The following ITPRID1 variants were observed in gnomAD, a reference collection of about 807,000 sequenced individuals.
ITPRID1 encodes the protein protein ITPRID1.
Under a neutral mutation model 95.4 loss-of-function variants are expected in ITPRID1, and 96 were observed. The ratio of observed to expected loss-of-function variants is 1.01; its 90% confidence interval spans 0.85 to 1.19. The LOEUF is 1.19. ITPRID1 is among the 50% of genes most tolerant of loss of function. ITPRID1 has a pLI of 0.00. For missense variants in ITPRID1, 1,339 were observed against 1,252.9 expected, an observed-to-expected ratio of 1.07 and a Z score of -1.04; for synonymous variants, 510 against 453.6, an observed-to-expected ratio of 1.12 and a Z score of -1.58.
At chr7:31,567,499 G>A (rs900493704) in intron 5 of ITPRID1, among the ~76,000 whole-genome samples, 3 of 152,012 alleles carry the variant, frequency 2.0e-5, no homozygotes, top group African/African-American at 7.2e-5. Context: ...GAGTAGCATT[G>A]GGAGTGATAG....
chr7:31,523,137 A>G (rs965699823), intron 1 of ITPRID1, among the ~76,000 whole-genome samples: 1 of 152,166 alleles, frequency 6.6e-6, no homozygotes, highest in Admixed American at 6.5e-5. Flanking sequence ...TCCTTTCTAA[A>G]TTTGTCTTAA....
chr7:31,555,635 G>C (rs1486650705), intron 5 of ITPRID1, among the ~76,000 whole-genome samples: 5 of 152,086 alleles, frequency 3.3e-5, no homozygotes, highest in Admixed American at 2.6e-4. Context: ...ATGTGAAAAA[G>C]TATGTTTCAA....
chr7:31,543,031 C>G (rs1214356689), intron 1 of ITPRID1, among the ~76,000 whole-genome samples: 1 of 151,994 alleles, frequency 6.6e-6, no homozygotes, highest in Non-Finnish European at 1.5e-5. Flanking sequence ...AGAAAAATAT[C>G]CAGTAGTTAT....
At chr7:31,523,412 A>T (rs920191484) in intron 1 of ITPRID1, among the ~76,000 whole-genome samples, 1 of 152,208 alleles carries the variant, frequency 6.6e-6, no homozygotes, top group African/African-American at 2.4e-5. Context: ...CCTTGATGAT[A>T]TCCCTAAAGT....
At chr7:31,523,599 G>C (rs760173548) in intron 1 of ITPRID1, among the ~76,000 whole-genome samples, 8 of 152,170 alleles carry the variant, frequency 5.3e-5, no homozygotes, top group Non-Finnish European at 1.0e-4. Flanking sequence ...GATCTCTCCT[G>C]GCTTGGTCCT....
rs1783540074 is a variant in ITPRID1, at chr7:31,529,879, G to T, written c.-98+15759G>T. The stretch of plus-strand genomic sequence containing the variant: ...CTTTTAATCCAGCCTGTTGGGGAGG[G>T]GTATTAGCTGTCTGCTCTCATTTTC... On this transcript the variant is annotated intron_variant, in intron 1 of 14. Transcript: ENST00000615280. 5.5e-5 allele frequency: 73 copies of T among 1,337,856 alleles called. 1 individual carries two copies. In the South Asian group the frequency reaches 9.2e-4, roughly 17 times the overall value. The allele number at this position is 1,337,856 out of a possible 1,614,324, so 82.9% of individuals were successfully genotyped here.
chr7:31,612,530 G>A (rs952067375), intron 10 of ITPRID1, among the ~76,000 whole-genome samples: 1 of 152,076 alleles, frequency 6.6e-6, no homozygotes, highest in Middle Eastern at 3.2e-3. Flanking sequence ...GTTTTAAAGA[G>A]ACTTTCCTGG....
chr7:31,651,865 T>C, intron 13 of ITPRID1, 74 bp from the exon 14 acceptor site: 1 of 1,013,348 alleles, frequency 9.9e-7, no homozygotes, highest in Non-Finnish European at 1.5e-6. Context: ...AGAACCTATA[T>C]TATGAGGTGA....
intron 10 of ITPRID1, among the ~76,000 whole-genome samples, chr7:31,599,637 CTTTCTTTCTTTTTCTTTCTTTCCTT>C (rs1562598772): frequency 0.2 from 19,781 of 97,810 alleles, 2,505 homozygotes; most frequent in East Asian, 0.3. Context: ...TTCTTTCTTT[CTTTCTTTCTTTTTCTTTCTTTCCTT>C]TCTCTCTCTC....
At chr7:31,554,338 A>C in intron 3 of ITPRID1, 137 bp from the exon 4 acceptor site, 1 of 1,359,760 alleles carries the variant, frequency 7.4e-7, no homozygotes, top group African/African-American at 1.5e-5. Context: ...TCAGGAAAAA[A>C]AATGAATATG....
At chr7:31,635,367 T>C (rs373864643) in intron 10 of ITPRID1, among the ~76,000 whole-genome samples, 52 of 152,308 alleles carry the variant, frequency 3.4e-4, no homozygotes, top group Non-Finnish European at 6.5e-4. Flanking sequence ...CTCAAAACGA[T>C]TGACATGCAG....
intron 10 of ITPRID1, among the ~76,000 whole-genome samples, chr7:31,595,138 A>G (rs1338170286): frequency 7.2e-6 from 1 of 138,334 alleles, no homozygotes; most frequent in Non-Finnish European, 1.5e-5. Context: ...ACCGCCTCCC[A>G]GGTTTAAGTG....
chr7:31,622,521 G>A (rs970700935), intron 10 of ITPRID1, among the ~76,000 whole-genome samples: 64 of 151,054 alleles, frequency 4.2e-4, no homozygotes, highest in Non-Finnish European at 5.9e-4. Context: ...GGTACATAAC[G>A]AAATGAAGGC....
intron 10 of ITPRID1, among the ~76,000 whole-genome samples, chr7:31,597,452 AT>A (rs1786134732): frequency 6.6e-6 from 1 of 151,790 alleles, no homozygotes; most frequent in Non-Finnish European, 1.5e-5. Flanking sequence ...ATCAGTCTCC[AT>A]GCATCAGCAA....
chr7:31,591,496 T>C (rs751953344), intron 10 of ITPRID1, among the ~76,000 whole-genome samples: 4 of 152,166 alleles, frequency 2.6e-5, no homozygotes, highest in African/African-American at 4.8e-5. Context: ...ACCGAGTATT[T>C]TGAAGATAAA....
chr7:31,651,749 T>C (rs947624156), intron 13 of ITPRID1, among the ~76,000 whole-genome samples, 190 bp from the exon 14 acceptor site: 1 of 149,258 alleles, frequency 6.7e-6, no homozygotes, highest in Non-Finnish European at 1.5e-5. Context: ...GGGAACTATA[T>C]TATACTGCAA....
Position 31,608,272 on chromosome 7 carries a change from G to A in ITPRID1, c.1228+25081G>A, listed in dbSNP as rs545060636. ...CTGTCTTCATTATTGTACCTTTGTAGTAAGTTTTAAATAAGGAAATACATC... is the reference window on the plus strand; with the variant it reads ...CTGTCTTCATTATTGTACCTTTGTAATAAGTTTTAAATAAGGAAATACATC... On this transcript the variant is annotated intron_variant, in intron 10 of 14. Transcript: ENST00000615280. 9.2e-5 allele frequency among the ~76,000 whole-genome samples: 14 copies of A among 152,034 alleles called. No individual in the cohort carries two copies. In the South Asian group the frequency reaches 2.9e-3, roughly 32 times the overall value.
chr7:31,607,952 AT>A (rs373266169), intron 10 of ITPRID1, among the ~76,000 whole-genome samples: 8 of 150,038 alleles, frequency 5.3e-5, no homozygotes, highest in African/African-American at 9.8e-5. Context: ...ATAGCATCCT[AT>A]TTTTTTTTGT....
At chr7:31,613,158 T>G (rs1447372350) in intron 10 of ITPRID1, among the ~76,000 whole-genome samples, 1 of 152,096 alleles carries the variant, frequency 6.6e-6, no homozygotes, top group Non-Finnish European at 1.5e-5. Context: ...AGGATGCTGT[T>G]TTTCACAGCT....
Sources: gnomAD v4.1 joint callset for allele counts (sites outside exome capture counted in the v4.1 genomes callset) on GRCh38, gnomAD v4.1.1 for gene constraint, MANE v1.5 for transcripts, NCBI Gene and HGNC (gene_info 2026-07-23, HGNC 2026-07-21) for gene names.